Variants in SEMA5A observed in about 807,000 individuals in gnomAD.
SEMA5A encodes semaphorin 5A.
In SEMA5A, 55 loss-of-function variants were observed where a neutral mutation model predicts 135.5. That is an observed-to-expected ratio of 0.41 (90% confidence interval 0.33 to 0.51). SEMA5A has a LOEUF of 0.51. SEMA5A is among the 20% of genes least tolerant of loss of function. The pLI is 0.37. For synonymous variants in SEMA5A, 580 were observed against 546.5 expected, an observed-to-expected ratio of 1.06 and a Z score of -0.85; for missense variants, 1,290 against 1,419.9, an observed-to-expected ratio of 0.91 and a Z score of 1.47.
intron 2 of SEMA5A, among the ~76,000 whole-genome samples, chr5:9,403,502 C>G (rs1756752117): frequency 6.6e-6 from 1 of 152,184 alleles, no homozygotes; most frequent in Non-Finnish European, 1.5e-5. Flanking sequence ...TAACATTCAG[C>G]TGCTCGTTAC....
At position 9,356,536 on chromosome 5, in the gene SEMA5A, G is replaced by C. The variant is rs147786660; in HGVS notation, c.125-18724C>G. Among the ~76,000 whole-genome samples, 928 of 152,280 alleles carry C rather than the reference G, an allele frequency of 6.1e-3. 13 individuals carry two copies. Among genetic ancestry groups the C allele is most frequent in the African/African-American group, 0.02 (821 of 41,564 alleles). Reference sequence around the variant, plus strand: ...GTTAGAAGAAAGTGCAAGCGGAAAAGAACCCCCACCAAGTTCAAAGGGACT... The same window carrying C: ...GTTAGAAGAAAGTGCAAGCGGAAAACAACCCCCACCAAGTTCAAAGGGACT... On this transcript the variant is annotated intron_variant, in intron 3 of 22. Coordinates refer to ENST00000382496, the MANE Select transcript of SEMA5A (RefSeq NM_003966.3).
At chr5:9,162,484 A>G (rs200018542) in intron 11 of SEMA5A, among the ~76,000 whole-genome samples, 76 of 78,490 alleles carry the variant, frequency 9.7e-4, no homozygotes, top group African/African-American at 2.3e-3. Flanking sequence ...GTGTGTGTGT[A>G]TATATGTATA....
intron 21 of SEMA5A, 127 bp downstream of exon 21, chr5:9,050,283 A>G (rs534841040): frequency 1.3e-6 from 1 of 786,892 alleles, no homozygotes; most frequent in Non-Finnish European, 2.0e-6. Flanking sequence ...AATGCCTGGG[A>G]TCCATGACTT....
chr5:9,516,014 A>C (rs902695903), intron 1 of SEMA5A, among the ~76,000 whole-genome samples: 1 of 152,180 alleles, frequency 6.6e-6, no homozygotes, highest in African/African-American at 2.4e-5. Context: ...CAGTGCAAAA[A>C]CAATCTCTTT....
At chr5:9,274,705 A>G (rs1750163283) in intron 5 of SEMA5A, among the ~76,000 whole-genome samples, 2 of 152,226 alleles carry the variant, frequency 1.3e-5, no homozygotes, top group Non-Finnish European at 2.9e-5. Context: ...CTACATGGAA[A>G]GTGAACAACC....
Position 9,224,793 on chromosome 5 carries a change from C to A in SEMA5A, c.527G>T (p.Gly176Val), listed in dbSNP as rs771848460. ...QHNSTALLTA[G>V]GELYAATAMD... ...GGCTGTAGCAGCATAGAGCTCCCCA[C>A]CAGCTGTGAGGAGCGCTGTGGAATT... Residue 176 changes from glycine (G) to valine (V), a missense_variant, in exon 8 of 23, where the codon GGT (glycine) becomes GTT (valine). This residue lies in a region of SEMA5A where 145 missense variants were observed against 212.0 expected (regional missense o/e 0.68). Transcript: ENST00000382496. 1 of 1,614,152 alleles carries A rather than the reference C, an allele frequency of 6.2e-7. No homozygotes were observed. Among genetic ancestry groups the A allele is most frequent in the Non-Finnish European group, 8.5e-7 (1 of 1,180,030 alleles).
intron 1 of SEMA5A, among the ~76,000 whole-genome samples, chr5:9,461,155 A>G (rs2126729178): frequency 6.6e-6 from 1 of 152,334 alleles, no homozygotes; most frequent in Non-Finnish European, 1.5e-5. Flanking sequence ...CCTAGCATGG[A>G]AATGATGGTT....
chr5:9,176,341 T>C (rs1744204500), intron 11 of SEMA5A, among the ~76,000 whole-genome samples: 3 of 152,060 alleles, frequency 2.0e-5, no homozygotes, highest in African/African-American at 7.2e-5. Context: ...GTCAACACCA[T>C]GAGGAAATAA....
intron 3 of SEMA5A, among the ~76,000 whole-genome samples, chr5:9,342,284 A>C (rs1028086724): frequency 1.3e-5 from 2 of 152,184 alleles, no homozygotes; most frequent in Non-Finnish European, 2.9e-5. Context: ...CCAAAATCTG[A>C]CTGAGAGCCA....
intron 20 of SEMA5A, among the ~76,000 whole-genome samples, chr5:9,050,912 C>A (rs1561102496): frequency 6.6e-6 from 1 of 152,194 alleles, no homozygotes; most frequent in East Asian, 1.9e-4. Flanking sequence ...CAAGTGAAGT[C>A]CCTCTTCAGG....
intron 13 of SEMA5A, among the ~76,000 whole-genome samples, chr5:9,134,835 A>C (rs368570993): frequency 6.6e-6 from 1 of 152,210 alleles, no homozygotes; most frequent in African/African-American, 2.4e-5. Flanking sequence ...GGTATTAAAC[A>C]TTATGTTTTA....
rs562472874 is a variant in SEMA5A, at chr5:9,330,789, G to C, written c.224+6924C>G. 9.8e-5 allele frequency among the ~76,000 whole-genome samples: 15 copies of C among 152,304 alleles called. No individual in the cohort carries two copies. In the East Asian group the frequency reaches 2.9e-3, roughly 29 times the overall value. On this transcript the variant is annotated intron_variant, in intron 4 of 22. Coordinates refer to ENST00000382496, the MANE Select transcript of SEMA5A (RefSeq NM_003966.3). The stretch of plus-strand genomic sequence containing the variant: ...ATCATAAAGGACATACCTGTGCATA[G>C]GGGCCAGCCCTGAGAAGGAAAGGGA...
At chr5:9,481,361 T>C (rs1340999349) in intron 1 of SEMA5A, among the ~76,000 whole-genome samples, 2 of 152,196 alleles carry the variant, frequency 1.3e-5, no homozygotes, top group Non-Finnish European at 2.9e-5. Flanking sequence ...TGGACCTATT[T>C]TGGTGGCTTA....
Position 9,337,768 on chromosome 5 carries a change from C to T in SEMA5A, c.169G>A (p.Asp57Asn), listed in dbSNP as rs759128200. ...GGGTCAAATGTTAACTGCGAGAAAT[C>T]CACAGCATTCTTCGCTCTGAACTCC... ...LREFRAKNAV[D>N]FSQLTFDPGQ... Residue 57 changes from aspartate (D) to asparagine (N), a missense_variant, in exon 4 of 23, where the codon GAT (aspartate) becomes AAT (asparagine). Asp to Asn is a conservative substitution (Grantham distance 23). Around this residue, in one of 3 missense-constraint regions of SEMA5A, gnomAD observed 116 missense variants for 121.3 expected, o/e 0.96. Transcript: ENST00000382496. The T allele has an allele frequency of 6.2e-7, 1 of 1,611,804 alleles. No homozygotes were observed. Among genetic ancestry groups the T allele is most frequent in the Admixed American group, 1.7e-5 (1 of 59,966 alleles).
At chr5:9,107,377 A>C (rs1004758490) in intron 16 of SEMA5A, among the ~76,000 whole-genome samples, 3 of 152,046 alleles carry the variant, frequency 2.0e-5, no homozygotes, top group Non-Finnish European at 4.4e-5. Flanking sequence ...AAAAAAAAAA[A>C]CATGCATTCT....
At chr5:9,170,897 T>C (rs1168041563) in intron 11 of SEMA5A, among the ~76,000 whole-genome samples, 1 of 152,120 alleles carries the variant, frequency 6.6e-6, no homozygotes, top group Admixed American at 6.5e-5. Context: ...CTTTGGGTGG[T>C]GCCCTGTACA....
At chr5:9,449,183 A>G (rs1161273782) in intron 1 of SEMA5A, among the ~76,000 whole-genome samples, 1 of 152,214 alleles carries the variant, frequency 6.6e-6, no homozygotes, top group Non-Finnish European at 1.5e-5. Context: ...CCCATCAGTG[A>G]TAGACTAGAT....
At chr5:9,082,250 C>T (rs1029346375) in intron 16 of SEMA5A, among the ~76,000 whole-genome samples, 1 of 152,158 alleles carries the variant, frequency 6.6e-6, no homozygotes, top group African/African-American at 2.4e-5. Flanking sequence ...CCAATGTAAA[C>T]AGAATTCAAA....
At chr5:9,445,248 G>C (rs941026261) in intron 1 of SEMA5A, among the ~76,000 whole-genome samples, 3 of 151,856 alleles carry the variant, frequency 2.0e-5, no homozygotes, top group Non-Finnish European at 4.4e-5. Context: ...CTTTGGAATC[G>C]CTTTTCCCCA....
Sources: allele counts gnomAD v4.1 joint callset (sites outside exome capture counted in the v4.1 genomes callset), GRCh38; gene constraint gnomAD v4.1.1; regional missense constraint gnomAD v4.1.1; transcripts MANE v1.5; gene names NCBI Gene and HGNC (gene_info 2026-07-23, HGNC 2026-07-21).